The following CD38 variants were observed in gnomAD, a reference collection of about 807,000 sequenced individuals.
CD38 encodes ADP-ribosyl cyclase/cyclic ADP-ribose hydrolase 1.
CD38 carries 31 observed loss-of-function variants against 36.3 expected under a neutral mutation model. The ratio of observed to expected loss-of-function variants is 0.85; its 90% confidence interval spans 0.64 to 1.15. The LOEUF (loss-of-function observed/expected upper bound fraction) is 1.15. Ranked by LOEUF, CD38 falls within the 50% of genes most tolerant of loss-of-function variation. CD38 has a pLI of 0.00. For synonymous variants in CD38, 131 were observed against 135.2 expected (o/e 0.97, Z 0.22); for missense variants, 380 against 371.9 (o/e 1.02, Z -0.18).
chr4:15,825,049 G>T, intron 3 of CD38, 33 bp downstream of exon 3: 1 of 1,574,722 alleles, frequency 6.4e-7, no homozygotes, highest in South Asian at 1.1e-5. Context: ...ATTGCCCAGG[G>T]ATGTGGAGGG....
intron 1 of CD38, among the ~76,000 whole-genome samples, chr4:15,797,165 G>A (rs1354793173): frequency 6.6e-6 from 1 of 152,150 alleles, no homozygotes; most frequent in African/African-American, 2.4e-5. Context: ...CGTTACCTCA[G>A]TTTAATCTTT....
Position 15,816,504 on chromosome 4 carries a change from A to C in CD38, c.234-7A>C. The C allele has an allele frequency of 3.8e-6, 6 of 1,587,078 alleles. No homozygotes were observed. The highest frequency in any genetic ancestry group is 4.3e-6 in the Non-Finnish European group (5 of 1,166,602). On this transcript the variant is annotated splice_region_variant and splice_polypyrimidine_tract_variant and intron_variant, in intron 1 of 7. Transcript: ENST00000226279. ...ATTTATGTTTTATTTTCTGTGTTTT[A>C]TCTCAGACATGTAGACTGCCAAAGT...
In CD38 at chr4:15,840,121, A is replaced by T. The variant is rs750509430; in HGVS notation, c.752+3A>T. Reference sequence around the variant, plus strand: ...CATGGTGGAAGAGAAGATTCCAGGTATATCTTACTACTTTGTACCCAAGTG... The same window carrying T: ...CATGGTGGAAGAGAAGATTCCAGGTTTATCTTACTACTTTGTACCCAAGTG... On this transcript the variant is annotated splice_donor_region_variant and intron_variant, in intron 6 of 7. Coordinates refer to ENST00000226279, the MANE Select transcript of CD38 (RefSeq NM_001775.4). The T allele has an allele frequency of 6.3e-7, 1 of 1,581,182 alleles. No individual in the cohort carries two copies. The highest frequency in any genetic ancestry group is 1.3e-5 in the African/African-American group (1 of 74,308).
At chr4:15,824,426 A>AT (rs544953577) in intron 2 of CD38, among the ~76,000 whole-genome samples, 17 of 149,088 alleles carry the variant, frequency 1.1e-4, no homozygotes, top group Admixed American at 2.0e-4. Flanking sequence ...AATCTATTGT[A>AT]TTTTTTTTTT....
intron 1 of CD38, among the ~76,000 whole-genome samples, chr4:15,795,042 G>A (rs1393736738): frequency 6.6e-6 from 1 of 152,140 alleles, no homozygotes; most frequent in Non-Finnish European, 1.5e-5. Context: ...GAGACAATAA[G>A]TACATTTAGA....
In CD38 at chr4:15,778,369, C is replaced by A; in HGVS notation, c.-46C>A. The A allele has an allele frequency of 1.5e-6, 2 of 1,316,802 alleles. No individual in the cohort carries two copies. The highest frequency in any genetic ancestry group is 2.2e-6 in the Non-Finnish European group (2 of 912,430). The allele number at this position is 1,316,802 out of a possible 1,614,324, so 81.6% of individuals were successfully genotyped here. On this transcript the variant is annotated 5_prime_UTR_variant, in exon 1 of 8. Transcript: ENST00000226279. This position sits in a 1 kb window ranked among gnomAD's most constrained non-coding sequence, Gnocchi z 4.9. ...GCCAGCCTCTCTCTTGCTGCCTAGCCTCCTGCCGGCCTCATCTTCGCCCAG... is the reference window on the plus strand; with the variant it reads ...GCCAGCCTCTCTCTTGCTGCCTAGCATCCTGCCGGCCTCATCTTCGCCCAG...
At chr4:15,794,343 G>A (rs1723064971) in intron 1 of CD38, among the ~76,000 whole-genome samples, 1 of 152,170 alleles carries the variant, frequency 6.6e-6, no homozygotes, top group African/African-American at 2.4e-5. Context: ...ACATAACCCT[G>A]GCAGATAAGG....
chr4:15,817,101 T>A lies in CD38; in HGVS notation c.363+461T>A, dbSNP rs188465380. On this transcript the variant is annotated intron_variant, in intron 2 of 7. Transcript: ENST00000226279. ...TACTTTCTTAGGCCTTCATAGCCAT[T>A]CTCTGGAATGGGCACATCAGGTGTC... Among the ~76,000 whole-genome samples the A allele has an allele frequency of 1.6e-3, 241 of 152,326 alleles. 1 individual carries two copies. The South Asian group carries it at 0.019, about 12-fold the overall frequency.
At chr4:15,848,136 A>G (rs1002076043) in intron 7 of CD38, among the ~76,000 whole-genome samples, 3 of 152,200 alleles carry the variant, frequency 2.0e-5, no homozygotes, top group Admixed American at 2.0e-4. Flanking sequence ...TGCTTTAGCT[A>G]ATTTTTATGA....
chr4:15,826,761 A>G (rs1468557279), intron 3 of CD38, among the ~76,000 whole-genome samples: 1 of 151,984 alleles, frequency 6.6e-6, no homozygotes, highest in Non-Finnish European at 1.5e-5. Flanking sequence ...AAAAAAAGAA[A>G]AAAAAAGAAT....
chr4:15,817,057 A>G (rs1436445109), intron 2 of CD38, among the ~76,000 whole-genome samples: 2 of 152,208 alleles, frequency 1.3e-5, no homozygotes, highest in African/African-American at 4.8e-5. Context: ...TCTTGCTTAC[A>G]AAAGACTCTC....
At chr4:15,801,194 G>A (rs1057352686) in intron 1 of CD38, among the ~76,000 whole-genome samples, 1 of 151,736 alleles carries the variant, frequency 6.6e-6, no homozygotes, top group Admixed American at 6.6e-5. Flanking sequence ...AAATTTCTGG[G>A]CACCTACAAC....
intron 7 of CD38, 75 bp from the exon 8 acceptor site, chr4:15,848,464 C>A: frequency 9.4e-7 from 1 of 1,067,716 alleles, no homozygotes; most frequent in Non-Finnish European, 1.4e-6. Context: ...AAAAAAGGGG[C>A]TTCCTCCATT....
chr4:15,837,877 C>T (rs559128153), intron 4 of CD38, among the ~76,000 whole-genome samples: 2 of 152,302 alleles, frequency 1.3e-5, no homozygotes, highest in South Asian at 4.1e-4. Context: ...ACATTGTTCA[C>T]TTAGAGATTG....
intron 1 of CD38, among the ~76,000 whole-genome samples, chr4:15,811,812 G>C (rs1344526672): frequency 6.6e-6 from 1 of 152,336 alleles, no homozygotes; most frequent in East Asian, 1.9e-4. Flanking sequence ...GTTAGGGAGG[G>C]CAAGCTGGTA....
intron 3 of CD38, among the ~76,000 whole-genome samples, chr4:15,826,459 G>GCACGCACACACACACACA: frequency 6.8e-6 from 1 of 146,450 alleles, no homozygotes; most frequent in African/African-American, 2.5e-5. Flanking sequence ...ACTTTTGTGC[G>GCACGCACACACACACACA]CACACACACA....
chr4:15,839,354 C>T (rs775575440), intron 5 of CD38, among the ~76,000 whole-genome samples: 3 of 150,554 alleles, frequency 2.0e-5, no homozygotes, highest in Non-Finnish European at 2.9e-5. Context: ...ATGTGAATCA[C>T]GTGGGGATTG....
chr4:15,779,598 C>G (rs186891044), intron 1 of CD38, among the ~76,000 whole-genome samples: 312 of 152,290 alleles, frequency 2.0e-3, no homozygotes, highest in Non-Finnish European at 3.5e-3. Flanking sequence ...AGACCTCCCT[C>G]GCCTCTCCGA....
At chr4:15,819,458 T>G (rs1560314969) in intron 2 of CD38, among the ~76,000 whole-genome samples, 1 of 150,698 alleles carries the variant, frequency 6.6e-6, no homozygotes, top group Non-Finnish European at 1.5e-5. Flanking sequence ...TTCACTGAGC[T>G]GAAGGAGTAT....
Sources: gnomAD v4.1 joint callset for allele counts (sites outside exome capture counted in the v4.1 genomes callset) on GRCh38, gnomAD v4.1.1 for gene constraint, Gnocchi (gnomAD v3.1) non-coding constraint, MANE v1.5 for transcripts, NCBI Gene and HGNC (gene_info 2026-07-23, HGNC 2026-07-21) for gene names.